CC2D1A: variants seen among roughly 807,000 people sequenced by gnomAD.
CC2D1A encodes coiled-coil and C2 domain-containing protein 1A.
Under a neutral mutation model 123.8 loss-of-function variants are expected in CC2D1A, and 68 were observed. The ratio of observed to expected loss-of-function variants is 0.55; its 90% CI spans 0.45 to 0.67. The LOEUF is 0.67. Ranked by LOEUF, CC2D1A falls within the 30% of genes least tolerant of loss-of-function variation. The pLI, the probability that CC2D1A is intolerant of heterozygous loss-of-function variation, is 0.00. For synonymous variants in CC2D1A, 477 were observed against 528.0 expected (o/e 0.90, Z 1.32); for missense variants, 1,185 against 1,290.3 (o/e 0.92, Z 1.25).
At chr19:13,907,977 A>T (rs1047295580) in intron 1 of CC2D1A, among the ~76,000 whole-genome samples, 36 of 152,144 alleles carry the variant, frequency 2.4e-4, no homozygotes, top group African/African-American at 8.0e-4. Flanking sequence ...TCTGCATGGC[A>T]AACCTGCATT....
Position 13,930,752 on chromosome 19 carries a change from A to C in CC2D1A, c.*357A>C. ...CTGTTCCTCCCCAGCCTTAACCCCA[A>C]AGCCCTCCTGCACCCCAAAGAAGCC... On this transcript the variant is annotated 3_prime_UTR_variant, in exon 29 of 29. Transcript: ENST00000318003. This position sits in a 1 kb window ranked among gnomAD's most constrained non-coding sequence, Gnocchi z 6.8. 4.0e-5 allele frequency: 14 copies of C among 345,738 alleles called. No homozygotes were observed. The highest frequency in any genetic ancestry group is 5.0e-5 in the East Asian group (1 of 19,980). The allele number at this position is 345,738 out of a possible 1,614,324, so 21.4% of individuals were successfully genotyped here.
At chr19:13,909,511 G>T (rs2145294800) in intron 1 of CC2D1A, among the ~76,000 whole-genome samples, 1 of 152,296 alleles carries the variant, frequency 6.6e-6, no homozygotes, top group East Asian at 1.9e-4. Flanking sequence ...GGGATGACAG[G>T]CGTGAGCCAC....
In CC2D1A at chr19:13,930,006, G is replaced by A. The variant is rs1004718827; in HGVS notation, c.2711-72G>A. The A allele has an allele frequency of 1.8e-5, 26 of 1,484,892 alleles. No individual in the cohort carries two copies. The highest frequency in any genetic ancestry group is 2.3e-5 in the Non-Finnish European group (25 of 1,090,794). The allele number at this position is 1,484,892 out of a possible 1,614,324, so 92.0% of individuals were successfully genotyped here. A position where few individuals can be genotyped will look rare whatever the true frequency, so the allele number is the denominator to read the frequency against. On this transcript the variant is annotated intron_variant, in intron 26 of 28. Transcript: ENST00000318003. This position sits in a 1 kb window ranked among gnomAD's most constrained non-coding sequence, Gnocchi z 6.8. Reference sequence around the variant, plus strand: ...CTGGCGGGGGACGGGCTTGGGGATGGGCACAGTCCAGGAGGGTTGTGGGCA... The same window carrying A: ...CTGGCGGGGGACGGGCTTGGGGATGAGCACAGTCCAGGAGGGTTGTGGGCA...
In CC2D1A at chr19:13,926,708, T is replaced by C. The variant is rs1046907819; in HGVS notation, c.2056T>C (p.Phe686Leu). The C allele has an allele frequency of 1.9e-6, 3 of 1,614,150 alleles. No individual in the cohort carries two copies. Residue 686 changes from phenylalanine (F) to leucine (L), a missense_variant, in exon 19 of 29, where the codon TTC (phenylalanine) becomes CTC (leucine). By Grantham distance (22) the Phe-to-Leu change is conservative. Coordinates refer to ENST00000318003, the MANE Select transcript of CC2D1A (RefSeq NM_017721.5). ...GDLDVFVRFDFPYPNVEEAQK... is the reference protein window; with the variant it reads ...GDLDVFVRFDLPYPNVEEAQK... ...TCTGGATGTCTTTGTTCGGTTTGACTTCCCCTATCCCAACGTGGTACGTGG... is the reference window on the plus strand; with the variant it reads ...TCTGGATGTCTTTGTTCGGTTTGACCTCCCCTATCCCAACGTGGTACGTGG...
chr19:13,908,973 C>A (rs555417007), intron 1 of CC2D1A, among the ~76,000 whole-genome samples: 1 of 152,068 alleles, frequency 6.6e-6, no homozygotes. Context: ...GTTGCCCAGG[C>A]GGAGTGCCGT....
In CC2D1A at chr19:13,926,674, C is replaced by G; in HGVS notation, c.2022C>G (p.Ser674=). The G allele has an allele frequency of 6.2e-7, 1 of 1,614,154 alleles. No individual in the cohort carries two copies. The highest frequency in any genetic ancestry group is 8.5e-7 in the Non-Finnish European group (1 of 1,180,018). Reference sequence around the variant, plus strand: ...ACCGTTGTTTGCCCACAGGACTGTCCCCTGGCGATCTGGATGTCTTTGTTC... The same window carrying G: ...ACCGTTGTTTGCCCACAGGACTGTCGCCTGGCGATCTGGATGTCTTTGTTC... The part of the protein sequence containing the change: ...GINLPTPPGL[S]PGDLDVFVRF... The change falls in exon 19 of 29, where the codon TCC becomes TCG. Residue 674 remains serine (S), a synonymous_variant. Transcript: ENST00000318003.
At chr19:13,926,766 G>A (rs767049421) in intron 19 of CC2D1A, 41 bp downstream of exon 19, 1 of 1,613,868 alleles carries the variant, frequency 6.2e-7, no homozygotes, top group African/African-American at 1.3e-5. Context: ...CAGCCTCAGT[G>A]GGCCAAAGCC....
intron 12 of CC2D1A, 112 bp from the exon 13 acceptor site, chr19:13,920,445 T>A: frequency 1.4e-6 from 1 of 721,224 alleles, no homozygotes; most frequent in Non-Finnish European, 2.5e-6. Context: ...AGTAGCAAAG[T>A]CCTGGGAGCC....
chr19:13,927,494 C>T (rs1443269008), intron 22 of CC2D1A: 11 of 553,266 alleles, frequency 2.0e-5, no homozygotes, highest in Non-Finnish European at 2.3e-5. Flanking sequence ...AGAAACCACT[C>T]TTGGCCAGGC....
chr19:13,921,693 A>G (rs1338185022), intron 14 of CC2D1A, among the ~76,000 whole-genome samples: 2 of 152,202 alleles, frequency 1.3e-5, no homozygotes, highest in African/African-American at 4.8e-5. Context: ...GGAGCCTGGG[A>G]CATGTAGTCT....
rs200884173 is a variant in CC2D1A, at chr19:13,913,270, G to T, written c.481G>T (p.Ala161Ser). Residue 161 changes from alanine (A) to serine (S), a missense_variant, in exon 5 of 29, where the codon GCC becomes TCC. Transcript: ENST00000318003. The part of the protein sequence containing the change: ...IESARQAGDS[A>S]KMRRYDRGLK... Reference sequence around the variant, plus strand: ...AAGCGCCAGACAAGCTGGAGACAGCGCCAAGATGCGGCGCTACGATCGGGG... The same window carrying T: ...AAGCGCCAGACAAGCTGGAGACAGCTCCAAGATGCGGCGCTACGATCGGGG... The T allele has an allele frequency of 6.2e-7, 1 of 1,613,638 alleles. No homozygotes were observed. The highest frequency in any genetic ancestry group is 8.5e-7 in the Non-Finnish European group (1 of 1,179,868).
chr19:13,918,428 A>G, intron 7 of CC2D1A, 76 bp from the exon 8 acceptor site: 1 of 1,398,144 alleles, frequency 7.2e-7, no homozygotes, highest in Non-Finnish European at 9.8e-7. Context: ...GGTGGCATGG[A>G]AGGGCCCGGA....
At position 13,912,319 on chromosome 19, in the gene CC2D1A, C is replaced by T. The variant is rs1003082185; in HGVS notation, c.197-4C>T. 49 of 1,592,566 alleles carry T rather than the reference C, an allele frequency of 3.1e-5. No individual in the cohort carries two copies. The highest frequency in any genetic ancestry group is 4.0e-5 in the Non-Finnish European group (47 of 1,169,982). ...GTCCACCTGGGGCATCCCCCTACCG[C>T]CAGGTCCCTTGCCGATGGAGGCCAT... On this transcript the variant is annotated splice_polypyrimidine_tract_variant and splice_region_variant and intron_variant, in intron 2 of 28. Coordinates refer to ENST00000318003, the MANE Select transcript of CC2D1A (RefSeq NM_017721.5).
chr19:13,918,914 G>A lies in CC2D1A; in HGVS notation c.1021G>A (p.Val341Met), dbSNP rs369829647. Residue 341 changes from valine (V) to methionine (M), a missense_variant and splice_region_variant, in exon 10 of 29, where the codon GTG becomes ATG. Physicochemically the swap from Val to Met is conservative, Grantham distance 21. Coordinates refer to ENST00000318003, the MANE Select transcript of CC2D1A (RefSeq NM_017721.5). Reference protein sequence around the residue: ...TPATAPSTTEVPPPPRTLLEA... With the variant: ...TPATAPSTTEMPPPPRTLLEA... ...CCTTGTCCCCCTGTCCGGCCCAGAG[G>A]TGCCCCCACCCCCGAGGACCCTGCT... 29 of 1,609,448 alleles carry A rather than the reference G, an allele frequency of 1.8e-5. No homozygotes were observed. The highest frequency in any genetic ancestry group is 2.0e-5 in the Non-Finnish European group (23 of 1,177,352).
intron 6 of CC2D1A, among the ~76,000 whole-genome samples, chr19:13,914,394 G>A (rs1031728950): frequency 1.3e-5 from 2 of 151,386 alleles, no homozygotes; most frequent in African/African-American, 4.9e-5. Context: ...GAGTGCAGTG[G>A]TGCGATCTCG....
rs1397020672 is a variant in CC2D1A at position 13,930,311 on chromosome 19, G to C, written c.2835+22G>C. On this transcript the variant is annotated intron_variant, in intron 28 of 28. Coordinates refer to ENST00000318003, the MANE Select transcript of CC2D1A (RefSeq NM_017721.5). The surrounding 1 kb of genome is among the most constrained non-coding windows in gnomAD (Gnocchi z 6.8). ...TGAGGTAAGCAGCTTAGGAGATGGG[G>C]TGGTTGGGGGATCACTGTGGTCGTA... is the stretch of plus-strand genomic sequence containing the variant. The C allele has an allele frequency of 3.1e-6, 5 of 1,613,808 alleles. No individual in the cohort carries two copies. The African/African-American group carries it at 6.7e-5, about 22-fold the overall frequency.
intron 17 of CC2D1A, among the ~76,000 whole-genome samples, chr19:13,926,209 G>C (rs1412402146): frequency 6.6e-6 from 1 of 151,404 alleles, no homozygotes; most frequent in Non-Finnish European, 1.5e-5. Context: ...ACTGGCTGAT[G>C]CTTAGTAGGA....
At chr19:13,926,069 C>CGTATATATATGT (rs1568419149) in intron 17 of CC2D1A, among the ~76,000 whole-genome samples, 1 of 82,022 alleles carries the variant, frequency 1.2e-5, no homozygotes, top group Non-Finnish European at 2.0e-5. Context: ...TATATATACA[C>CGTATATATATGT]ACACACACAC....
intron 2 of CC2D1A, among the ~76,000 whole-genome samples, chr19:13,911,882 A>C (rs1010777381): frequency 1.3e-5 from 2 of 151,918 alleles, no homozygotes; most frequent in Non-Finnish European, 2.9e-5. Flanking sequence ...TGCCTGGCTA[A>C]TTTTTTGTAT....
Sources: gnomAD v4.1 joint callset for allele counts (sites outside exome capture counted in the v4.1 genomes callset) on GRCh38, gnomAD v4.1.1 for gene constraint, Gnocchi (gnomAD v3.1) non-coding constraint, MANE v1.5 for transcripts, NCBI Gene and HGNC (gene_info 2026-07-23, HGNC 2026-07-21) for gene names.